PCLO: variants seen among roughly 807,000 people sequenced by gnomAD.
The protein encoded by PCLO is piccolo presynaptic cytomatrix protein.
In PCLO, 82 loss-of-function variants were observed where a neutral mutation model predicts 427.5. The observed-to-expected ratio is 0.19, with a 90% confidence interval of 0.16 to 0.23. PCLO has a LOEUF of 0.23. PCLO is among the 10% of genes least tolerant of loss of function. The pLI is 1.00. For missense variants in PCLO, 6,239 were observed against 6,115.9 expected (o/e 1.02, Z -0.67); for synonymous variants, 2,357 against 2,155.4 (o/e 1.09, Z -2.59).
intron 3 of PCLO, among the ~76,000 whole-genome samples, chr7:83,075,705 A>C (rs934254825): frequency 3.9e-5 from 6 of 152,156 alleles, no homozygotes; most frequent in African/African-American, 1.4e-4. Context: ...AAATTTCGGG[A>C]AATTACTCAT....
rs145839803 is a variant in PCLO, at chr7:83,151,904, G to T, written c.1893+2844C>A. ...ATAGAGAAGAAACACAAAATTATGGGAAGTTTAATTTTAATAAAACAAAGG... is the reference window on the plus strand; with the variant it reads ...ATAGAGAAGAAACACAAAATTATGGTAAGTTTAATTTTAATAAAACAAAGG... On this transcript the variant is annotated intron_variant, in intron 2 of 24. Coordinates refer to ENST00000333891, the MANE Select transcript of PCLO (RefSeq NM_033026.6). 1.5e-3 allele frequency among the ~76,000 whole-genome samples: 222 copies of T among 151,712 alleles called. 1 individual carries two copies. Among genetic ancestry groups the T allele is most frequent in the African/African-American group, 5.2e-3 (215 of 41,370 alleles).
chr7:83,104,185 T>C (rs1360563328), intron 3 of PCLO, among the ~76,000 whole-genome samples: 1 of 126,550 alleles, frequency 7.9e-6, no homozygotes, highest in Non-Finnish European at 1.7e-5. Context: ...ATAAAGACTT[T>C]AAATAAAACT....
chr7:83,010,908 C>T (rs1006286454), intron 3 of PCLO, among the ~76,000 whole-genome samples: 1 of 152,026 alleles, frequency 6.6e-6, no homozygotes, highest in South Asian at 2.1e-4. Flanking sequence ...TTGCTTTCGA[C>T]CCATATGAAT....
chr7:83,015,143 G>T (rs1788174667), intron 3 of PCLO, among the ~76,000 whole-genome samples: 1 of 152,050 alleles, frequency 6.6e-6, no homozygotes, highest in African/African-American at 2.4e-5. Context: ...TCACTCCAAA[G>T]TCCTTGATCA....
At chr7:82,812,571 A>G (rs1210593341) in intron 20 of PCLO, among the ~76,000 whole-genome samples, 1 of 151,554 alleles carries the variant, frequency 6.6e-6, no homozygotes, top group Non-Finnish European at 1.5e-5. Flanking sequence ...GAAAATTAAG[A>G]AAGTAAATTC....
At chr7:83,100,645 A>G (rs1790714349) in intron 3 of PCLO, among the ~76,000 whole-genome samples, 2 of 152,012 alleles carry the variant, frequency 1.3e-5, no homozygotes, top group Admixed American at 6.6e-5. Flanking sequence ...CACACAGGGG[A>G]CCTTTTTGGA....
chr7:82,824,349 T>C lies in PCLO; in HGVS notation c.14483A>G (p.Gln4828Arg), dbSNP rs1398725675. The C allele has an allele frequency of 5.0e-6, 8 of 1,613,178 alleles. No homozygotes were observed. Among genetic ancestry groups the C allele is most frequent in the Non-Finnish European group, 6.8e-6 (8 of 1,179,360 alleles). Residue 4828 changes from glutamine (Q) to arginine (R), a missense_variant, in exon 19 of 25, where the codon CAG becomes CGG. Transcript: ENST00000333891. Reference sequence around the variant, plus strand: ...CTTGCCATGATCAATGCTTTCAGTCTGTTCTTTGAGAGGATACCACCTTGG... The same window carrying C: ...CTTGCCATGATCAATGCTTTCAGTCCGTTCTTTGAGAGGATACCACCTTGG... ...NTPRWYPLKEQTESIDHGKSH... is the reference protein window; with the variant it reads ...NTPRWYPLKERTESIDHGKSH...
chr7:82,754,666 G>T lies in PCLO; in HGVS notation c.*3909C>A, dbSNP rs1790280594. ...TTGATTAAATAATTTTGGCCTAATG[G>T]ATACCTTTAATAATAGAACATGAAA... On this transcript the variant is annotated 3_prime_UTR_variant, in exon 25 of 25. Transcript: ENST00000333891. 1 of 151,944 alleles carries T rather than the reference G, an allele frequency of 6.6e-6. No homozygotes were observed. Among genetic ancestry groups the T allele is most frequent in the Non-Finnish European group, 1.5e-5 (1 of 67,942 alleles). The allele number at this position is 151,944 out of a possible 1,614,324, so 9.4% of individuals were successfully genotyped here. A position where few individuals can be genotyped will look rare whatever the true frequency, so the allele number is the denominator to read the frequency against.
intron 3 of PCLO, among the ~76,000 whole-genome samples, chr7:83,057,349 T>TATATATATATATG (rs1347132682): frequency 5.2e-5 from 1 of 19,096 alleles, no homozygotes; most frequent in African/African-American, 1.9e-4. Context: ...TATATATATA[T>TATATATATATATG]TTTTTTTTTT....
intron 20 of PCLO, among the ~76,000 whole-genome samples, chr7:82,810,030 G>T (rs1316808628): frequency 6.6e-6 from 1 of 151,580 alleles, no homozygotes; most frequent in East Asian, 1.9e-4. Flanking sequence ...ATAATATGTA[G>T]AGTAACATTC....
intron 1 of PCLO, 125 bp downstream of exon 1, chr7:83,162,220 C>A: frequency 8.6e-7 from 1 of 1,159,162 alleles, no homozygotes; most frequent in Non-Finnish European, 1.2e-6. Context: ...GGCCACCCCA[C>A]TGGGGAGAAT....
chr7:82,880,633 C>T (rs183075484), intron 9 of PCLO, among the ~76,000 whole-genome samples: 23 of 152,256 alleles, frequency 1.5e-4, no homozygotes, highest in Admixed American at 1.1e-3. Context: ...TGGAACGATG[C>T]TACTGGCATT....
chr7:82,988,966 C>T (rs2115827233), intron 3 of PCLO, among the ~76,000 whole-genome samples: 1 of 152,064 alleles, frequency 6.6e-6, no homozygotes, highest in Admixed American at 6.6e-5. Flanking sequence ...TCCTGAGTAG[C>T]TGGGATTACA....
At chr7:83,110,828 T>C (rs1790985510) in intron 3 of PCLO, among the ~76,000 whole-genome samples, 1 of 152,084 alleles carries the variant, frequency 6.6e-6, no homozygotes, top group African/African-American at 2.4e-5. Context: ...GTCAAACCCA[T>C]CTCCTCCACT....
chr7:83,086,491 A>T (rs1790235705), intron 3 of PCLO, among the ~76,000 whole-genome samples: 1 of 152,122 alleles, frequency 6.6e-6, no homozygotes, highest in African/African-American at 2.4e-5. Flanking sequence ...AAGTTGGAAA[A>T]AAAAAACATT....
At position 82,915,411 on chromosome 7, in the gene PCLO, T is replaced by G. The variant is rs2116264143; in HGVS notation, c.12575A>C (p.Lys4192Thr). The G allele has an allele frequency of 6.2e-7, 1 of 1,613,660 alleles. No homozygotes were observed. The highest frequency in any genetic ancestry group is 2.2e-5 in the East Asian group (1 of 44,796). ...CATTTTAGGGTCAATTAGTGATTTC[T>G]TATGCTTTGACTGCTTTTGATAAAG... ...AILYQKQSKH[K>T]KSLIDPKMSK... Residue 4192 changes from lysine to threonine, a missense_variant, in exon 7 of 25, where the codon AAG becomes ACG. By Grantham distance (78) the Lys-to-Thr change is moderately conservative. This residue lies in a region of PCLO where 680 missense variants were observed against 677.3 expected (regional missense o/e 1.00). Coordinates refer to ENST00000333891, the MANE Select transcript of PCLO (RefSeq NM_033026.6).
At chr7:83,127,408 CAAGCAA>C (rs1302461094) in intron 3 of PCLO, among the ~76,000 whole-genome samples, 4 of 151,950 alleles carry the variant, frequency 2.6e-5, no homozygotes, top group Non-Finnish European at 5.9e-5. Context: ...ATTATAAAAA[CAAGCAA>C]AAATCATTAG....
intron 6 of PCLO, among the ~76,000 whole-genome samples, chr7:82,922,374 T>C (rs561871491): frequency 6.6e-6 from 1 of 152,104 alleles, no homozygotes; most frequent in Admixed American, 6.6e-5. Flanking sequence ...AAAGAAAATG[T>C]GGTACATATA....
chr7:82,848,332 A>T (rs2522839), intron 10 of PCLO, among the ~76,000 whole-genome samples: 1 of 120,238 alleles, frequency 8.3e-6, no homozygotes, highest in African/African-American at 3.0e-5. Flanking sequence ...TTTTTTTTTA[A>T]ACAGGTCCCA....
Sources: allele counts gnomAD v4.1 joint callset (sites outside exome capture counted in the v4.1 genomes callset), GRCh38; gene constraint gnomAD v4.1.1; regional missense constraint gnomAD v4.1.1; transcripts MANE v1.5; gene names NCBI Gene and HGNC (gene_info 2026-07-23, HGNC 2026-07-21).